Variants in LRMDA observed in about 807,000 individuals in gnomAD.
LRMDA encodes the protein leucine rich melanocyte differentiation associated.
In LRMDA, 18 loss-of-function variants were observed where a neutral mutation model predicts 29.8. That is an observed-to-expected ratio of 0.60 (90% confidence interval 0.42 to 0.90). The LOEUF (loss-of-function observed/expected upper bound fraction) is 0.90. Ranked by LOEUF, LRMDA falls within the 40% of genes least tolerant of loss-of-function variation. LRMDA has a pLI of 0.00. For missense variants in LRMDA, 273 were observed against 273.9 expected (o/e 1.00, Z 0.02); for synonymous variants, 125 against 109.4 (o/e 1.14, Z -0.89).
intron 5 of LRMDA, among the ~76,000 whole-genome samples, chr10:76,289,022 T>G (rs991666755): frequency 2.6e-5 from 4 of 152,232 alleles, no homozygotes; most frequent in African/African-American, 9.6e-5. Flanking sequence ...GTTTATTCAA[T>G]AATTTAATGA....
chr10:75,541,404 T>G (rs1353267590), intron 2 of LRMDA, among the ~76,000 whole-genome samples: 2 of 35,378 alleles, frequency 5.7e-5, no homozygotes, highest in African/African-American at 1.0e-4. Context: ...CCCACAAACT[T>G]TTTTTTTTTT....
chr10:76,012,996 C>A (rs961567075), intron 2 of LRMDA, among the ~76,000 whole-genome samples: 1 of 151,956 alleles, frequency 6.6e-6, no homozygotes, highest in African/African-American at 2.4e-5. Flanking sequence ...AAAGCGATTT[C>A]TTTGCGGGAG....
chr10:76,220,302 A>G (rs975758575), intron 5 of LRMDA, among the ~76,000 whole-genome samples: 24 of 152,158 alleles, frequency 1.6e-4, no homozygotes, highest in African/African-American at 5.5e-4. Context: ...ACACAAAAAT[A>G]CCTTCAAAAA....
chr10:75,965,050 G>C (rs1271387), intron 2 of LRMDA, among the ~76,000 whole-genome samples: 1 of 152,196 alleles, frequency 6.6e-6, no homozygotes, highest in Admixed American at 6.5e-5. Context: ...ACAGGTGTGA[G>C]CCACTACACC....
At chr10:76,093,183 G>T (rs1003269667) in intron 5 of LRMDA, among the ~76,000 whole-genome samples, 7 of 151,904 alleles carry the variant, frequency 4.6e-5, no homozygotes, top group Non-Finnish European at 8.8e-5. Flanking sequence ...GATTACAGGC[G>T]CCCGCCACCA....
At chr10:76,452,313 TG>T (rs978408457) in intron 6 of LRMDA, among the ~76,000 whole-genome samples, 1 of 152,160 alleles carries the variant, frequency 6.6e-6, no homozygotes, top group Non-Finnish European at 1.5e-5. Flanking sequence ...AGCAGGGATG[TG>T]GGAAGGCCAT....
chr10:75,975,848 A>G (rs892483126), intron 2 of LRMDA, among the ~76,000 whole-genome samples: 2 of 152,236 alleles, frequency 1.3e-5, no homozygotes, highest in East Asian at 1.9e-4. Context: ...ACCGTTTCCA[A>G]TTCATCACAG....
chr10:76,148,661 C>T (rs1850379060), intron 5 of LRMDA, among the ~76,000 whole-genome samples: 1 of 152,176 alleles, frequency 6.6e-6, no homozygotes, highest in Non-Finnish European at 1.5e-5. Flanking sequence ...ATGCCTTCCC[C>T]TGCTACTGCT....
At position 75,681,771 on chromosome 10, in the gene LRMDA, G is replaced by A. The variant is rs1329763153; in HGVS notation, c.131+243277G>A. Among the ~76,000 whole-genome samples the A allele has an allele frequency of 2.6e-5, 4 of 152,222 alleles. No homozygotes were observed. The East Asian group carries it at 7.7e-4, about 29-fold the overall frequency. ...GCCCACAGTAGGAGGGGAAACGAGT[G>A]ACTGTTTGCTGAACAATATGGGCCT... is the stretch of plus-strand genomic sequence containing the variant. On this transcript the variant is annotated intron_variant, in intron 2 of 6. Coordinates refer to ENST00000611255, the MANE Select transcript of LRMDA (RefSeq NM_001305581.2).
At chr10:75,738,698 C>T (rs1411698146) in intron 2 of LRMDA, among the ~76,000 whole-genome samples, 2 of 152,126 alleles carry the variant, frequency 1.3e-5, no homozygotes, top group Non-Finnish European at 2.9e-5. Flanking sequence ...AAGTGCCCCA[C>T]GTTTGCCTGT....
At chr10:76,045,339 A>G (rs753918332) in intron 3 of LRMDA, among the ~76,000 whole-genome samples, 2 of 116,336 alleles carry the variant, frequency 1.7e-5, no homozygotes, top group Non-Finnish European at 3.3e-5. Context: ...CCCTCTTGTT[A>G]GTTTCCTCCT....
At chr10:75,488,903 C>T (rs1844949135) in intron 2 of LRMDA, among the ~76,000 whole-genome samples, 1 of 152,190 alleles carries the variant, frequency 6.6e-6, no homozygotes, top group African/African-American at 2.4e-5. Flanking sequence ...CCTTAACCCT[C>T]AGCATACAGT....
At chr10:76,356,236 T>C (rs558596487) in intron 6 of LRMDA, among the ~76,000 whole-genome samples, 1 of 152,290 alleles carries the variant, frequency 6.6e-6, no homozygotes, top group East Asian at 1.9e-4. Context: ...TTATTCCAAA[T>C]ATCCAGATAA....
chr10:76,451,542 G>C (rs1842406801), intron 6 of LRMDA, among the ~76,000 whole-genome samples: 1 of 151,598 alleles, frequency 6.6e-6, no homozygotes, highest in South Asian at 2.1e-4. Flanking sequence ...TTGACAGCTG[G>C]ATATTTTGAG....
At chr10:75,705,324 G>T (rs921512905) in intron 2 of LRMDA, among the ~76,000 whole-genome samples, 8 of 152,164 alleles carry the variant, frequency 5.3e-5, no homozygotes, top group African/African-American at 1.9e-4. Flanking sequence ...AGGGAGACCC[G>T]AGGATGGGAA....
chr10:76,264,441 A>C lies in LRMDA; in HGVS notation c.517-59960A>C, dbSNP rs796384456. Among the ~76,000 whole-genome samples the C allele has an allele frequency of 3.2e-3, 398 of 125,534 alleles. 7 individuals are homozygous for C. Among genetic ancestry groups the C allele is most frequent in the African/African-American group, 0.012 (377 of 30,518 alleles). 82.4% of individuals were successfully genotyped at this position (125,534 alleles called of 152,430 possible). A position where few individuals can be genotyped will look rare whatever the true frequency, so the allele number is the denominator to read the frequency against. On this transcript the variant is annotated intron_variant, in intron 5 of 6. Transcript: ENST00000611255. ...AAAAAAAAAAAAAAAAAAAAAAAAAAAAAAAAAAAAAAAAAACACGGAAGC... is the reference window on the plus strand; with the variant it reads ...AAAAAAAAAAAAAAAAAAAAAAAAACAAAAAAAAAAAAAAAACACGGAAGC...
intron 5 of LRMDA, among the ~76,000 whole-genome samples, chr10:76,171,375 T>G (rs1218883103): frequency 2.0e-5 from 3 of 152,106 alleles, no homozygotes; most frequent in Admixed American, 1.3e-4. Context: ...CTGAACTCAG[T>G]TGACACACCC....
At chr10:75,780,048 G>A (rs890800828) in intron 2 of LRMDA, among the ~76,000 whole-genome samples, 1 of 152,154 alleles carries the variant, frequency 6.6e-6, no homozygotes, top group Non-Finnish European at 1.5e-5. Context: ...GGAAGAGATT[G>A]GAGTGATGCT....
intron 2 of LRMDA, among the ~76,000 whole-genome samples, chr10:75,903,122 G>T (rs555513776): frequency 6.6e-6 from 1 of 152,230 alleles, no homozygotes; most frequent in East Asian, 1.9e-4. Context: ...TAAAATCAAC[G>T]TATCTTGCTC....
Sources: gnomAD v4.1 joint callset for allele counts (sites outside exome capture counted in the v4.1 genomes callset) on GRCh38, gnomAD v4.1.1 for gene constraint, MANE v1.5 for transcripts, NCBI Gene and HGNC (gene_info 2026-07-23, HGNC 2026-07-21) for gene names.